CPED1: variants seen among roughly 807,000 people sequenced by gnomAD.
CPED1 encodes the protein cadherin like and PC-esterase domain containing 1.
A neutral mutation model predicts 128.2 loss-of-function variants in CPED1; 114 were observed. The ratio of observed to expected loss-of-function variants is 0.89; its 90% CI spans 0.76 to 1.04. The LOEUF (loss-of-function observed/expected upper bound fraction) is 1.04. Among genes scored for constraint, CPED1 ranks in the 50% least tolerant of loss-of-function variants. The pLI, the probability that CPED1 is intolerant of heterozygous loss-of-function variation, is 0.00. For synonymous variants in CPED1, 462 were observed against 426.7 expected (o/e 1.08, Z -1.02); for missense variants, 1,211 against 1,207.1 (o/e 1.00, Z -0.05).
chr7:121,030,323 T>C (rs975001231), intron 3 of CPED1, among the ~76,000 whole-genome samples: 8 of 152,206 alleles, frequency 5.3e-5, no homozygotes, highest in Admixed American at 4.6e-4. Flanking sequence ...ATTCCTCCCT[T>C]ATCCATGGTT....
At chr7:121,281,189 T>C (rs2116772412) in intron 22 of CPED1, among the ~76,000 whole-genome samples, 1 of 152,322 alleles carries the variant, frequency 6.6e-6, no homozygotes, top group South Asian at 2.1e-4. Context: ...GTAATCTGCC[T>C]GACACCTTTC....
At chr7:121,034,449 T>C (rs1585030350) in intron 3 of CPED1, among the ~76,000 whole-genome samples, 1 of 152,048 alleles carries the variant, frequency 6.6e-6, no homozygotes, top group South Asian at 2.1e-4. Flanking sequence ...AGTCTCACCA[T>C]GTTGGCCAGG....
At chr7:121,271,217 C>T in intron 21 of CPED1, 67 bp from the exon 22 acceptor site, 1 of 1,307,976 alleles carries the variant, frequency 7.6e-7, no homozygotes, top group Non-Finnish European at 1.1e-6. Flanking sequence ...TAATTTCCAC[C>T]TAACTTATTG....
intron 16 of CPED1, among the ~76,000 whole-genome samples, chr7:121,223,794 C>T (rs201914702): frequency 5.9e-5 from 9 of 152,088 alleles, no homozygotes; most frequent in East Asian, 1.9e-4. Context: ...TCTGTGGGAT[C>T]GGTGGTGATA....
chr7:121,103,276 C>T (rs1195636166), intron 7 of CPED1, among the ~76,000 whole-genome samples: 1 of 152,128 alleles, frequency 6.6e-6, no homozygotes, highest in Non-Finnish European at 1.5e-5. Context: ...TTTATCTTTT[C>T]AAGATCTTGC....
chr7:121,289,401 A>G (rs1029885459), intron 22 of CPED1, among the ~76,000 whole-genome samples: 1 of 152,204 alleles, frequency 6.6e-6, no homozygotes, highest in Non-Finnish European at 1.5e-5. Flanking sequence ...AGTTACAAGA[A>G]TACATTAAAA....
intron 16 of CPED1, among the ~76,000 whole-genome samples, chr7:121,149,849 G>C (rs928821966): frequency 1.3e-5 from 2 of 152,140 alleles, no homozygotes; most frequent in African/African-American, 4.8e-5. Context: ...AACAGAAGTA[G>C]AGGGAACCTC....
In CPED1 at chr7:121,296,918, T is replaced by G. The variant is rs1179034059; in HGVS notation, c.*1266T>G. The stretch of plus-strand genomic sequence containing the variant: ...TTACCAAATGTATAAATACCTCATT[T>G]TCACTACCATACAAGAAAAAAACAC... On this transcript the variant is annotated 3_prime_UTR_variant, in exon 23 of 23. Transcript: ENST00000310396. 6.6e-6 allele frequency: 1 copy of G among 152,430 alleles called. No individual in the cohort carries two copies. Among genetic ancestry groups the G allele is most frequent in the Non-Finnish European group, 1.5e-5 (1 of 67,948 alleles). 9.4% of individuals were successfully genotyped at this position (152,430 alleles called of 1,614,324 possible). A position where few individuals can be genotyped will look rare whatever the true frequency, so the allele number is the denominator to read the frequency against.
chr7:121,194,022 C>CTCTCTATATATATA (rs1484413430), intron 16 of CPED1, among the ~76,000 whole-genome samples: 1 of 74,748 alleles, frequency 1.3e-5, no homozygotes, highest in Non-Finnish European at 2.4e-5. Context: ...CTCTCTCTCT[C>CTCTCTATATATATA]TATATATATA....
At chr7:121,290,404 A>C (rs202097308) in intron 22 of CPED1, among the ~76,000 whole-genome samples, 87 of 152,276 alleles carry the variant, frequency 5.7e-4, no homozygotes, top group African/African-American at 2.0e-3. Context: ...AATGGTTGAA[A>C]TAATTTACAC....
At chr7:121,047,646 TTTCTTC>T (rs201842531) in intron 4 of CPED1, among the ~76,000 whole-genome samples, 3,153 of 122,888 alleles carry the variant, frequency 0.026, 76 homozygotes, top group Non-Finnish European at 0.033. Context: ...AGATAGCACC[TTTCTTC>T]TTCTTCTTCT....
At chr7:121,075,859 G>T (rs1279793201) in intron 5 of CPED1, among the ~76,000 whole-genome samples, 1 of 151,670 alleles carries the variant, frequency 6.6e-6, no homozygotes, top group Non-Finnish European at 1.5e-5. Context: ...GTTCAACTTT[G>T]AGCTTTTTAA....
intron 3 of CPED1, among the ~76,000 whole-genome samples, chr7:121,016,587 G>A (rs1792307163): frequency 6.6e-6 from 1 of 152,204 alleles, no homozygotes; most frequent in South Asian, 2.1e-4. Flanking sequence ...ACTGGCTGAA[G>A]TGACTCACCT....
Position 121,140,879 on chromosome 7 carries a change from A to T in CPED1, c.1752A>T (p.Glu584Asp). ...IKQIFTHPHL[E>D]LNPDFHPKIK... ...AGATCTTCACACATCCACATTTGGA[A>T]CTAAATCCTGACTTTCATCCAAAGA... The change falls in exon 15 of 23, where the codon GAA becomes GAT. Residue 584 changes from glutamate (E) to aspartate (D), a missense_variant. Coordinates refer to ENST00000310396, the MANE Select transcript of CPED1 (RefSeq NM_024913.5). The T allele has an allele frequency of 6.2e-7, 1 of 1,612,730 alleles. No homozygotes were observed. Among genetic ancestry groups the T allele is most frequent in the Non-Finnish European group, 8.5e-7 (1 of 1,179,172 alleles).
chr7:121,207,960 C>T (rs1031789478), intron 16 of CPED1, among the ~76,000 whole-genome samples: 2 of 151,962 alleles, frequency 1.3e-5, no homozygotes, highest in Admixed American at 1.3e-4. Context: ...TGGCTCCTTC[C>T]CCACCAACCT....
chr7:121,217,464 G>A (rs1447253204), intron 16 of CPED1, among the ~76,000 whole-genome samples: 8 of 152,058 alleles, frequency 5.3e-5, no homozygotes, highest in African/African-American at 1.9e-4. Context: ...ATCCTTGGAA[G>A]ATGTCATTGT....
intron 16 of CPED1, among the ~76,000 whole-genome samples, chr7:121,216,090 T>C (rs541740385): frequency 6.6e-6 from 1 of 152,196 alleles, no homozygotes; most frequent in South Asian, 2.1e-4. Flanking sequence ...CTTAAACTCT[T>C]ACCCTCTACA....
intron 17 of CPED1, among the ~76,000 whole-genome samples, chr7:121,241,575 A>C (rs899976424): frequency 5.3e-5 from 8 of 152,186 alleles, no homozygotes; most frequent in East Asian, 3.9e-4. Context: ...CAAGATATGC[A>C]GTCAGTTCTT....
intron 3 of CPED1, among the ~76,000 whole-genome samples, chr7:121,032,457 C>T (rs1443091405): frequency 4.8e-5 from 7 of 146,868 alleles, no homozygotes; most frequent in Admixed American, 7.1e-5. Context: ...CTAAACACTG[C>T]GTGTCTCATA....
Sources: gnomAD v4.1 joint callset for allele counts (sites outside exome capture counted in the v4.1 genomes callset) on GRCh38, gnomAD v4.1.1 for gene constraint, MANE v1.5 for transcripts, NCBI Gene and HGNC (gene_info 2026-07-23, HGNC 2026-07-21) for gene names.